Variants in MPRIP observed in about 807,000 individuals in gnomAD.
MPRIP encodes the protein myosin phosphatase Rho interacting protein.
Under a neutral mutation model 234.9 loss-of-function variants are expected in MPRIP, and 59 were observed. The observed-to-expected ratio is 0.25, with a 90% CI of 0.20 to 0.31. MPRIP has a LOEUF of 0.31. Ranked by LOEUF, MPRIP falls within the 10% of genes least tolerant of loss-of-function variation. MPRIP has a pLI of 1.00. For missense variants in MPRIP, 2,436 were observed against 3,071.0 expected, an observed-to-expected ratio of 0.79 and a Z score of 4.89; for synonymous variants, 1,144 against 1,263.9, an observed-to-expected ratio of 0.91 and a Z score of 2.01.
intron 12 of MPRIP, 101 bp from the exon 13 acceptor site, chr17:17,154,205 C>T (rs2045674694): frequency 4.1e-6 from 4 of 967,558 alleles, no homozygotes; most frequent in African/African-American, 1.6e-5. Context: ...CAGCCTTTCT[C>T]CCTGTGGGAC....
intron 1 of MPRIP, among the ~76,000 whole-genome samples, chr17:17,049,584 C>G (rs112635565): frequency 6.8e-4 from 103 of 152,306 alleles, no homozygotes; most frequent in African/African-American, 2.3e-3. Context: ...CCACTCTTTC[C>G]CACCTGAATG....
intron 3 of MPRIP, among the ~76,000 whole-genome samples, chr17:17,109,258 C>T (rs2144269167): frequency 6.6e-6 from 1 of 152,358 alleles, no homozygotes; most frequent in African/African-American, 2.4e-5. Context: ...GACTTCCAGA[C>T]AGTGGTGTAA....
chr17:17,108,619 G>A (rs1340685526), intron 3 of MPRIP, among the ~76,000 whole-genome samples: 1 of 150,652 alleles, frequency 6.6e-6, no homozygotes, highest in Non-Finnish European at 1.5e-5. Flanking sequence ...AAGCCAGCTG[G>A]CCTTTGTCTC....
At chr17:17,134,578 G>C (rs140257007) in intron 5 of MPRIP, among the ~76,000 whole-genome samples, 4 of 152,222 alleles carry the variant, frequency 2.6e-5, no homozygotes, top group Admixed American at 6.5e-5. Flanking sequence ...TCAGGTGTGC[G>C]TCCTGGGTCT....
Position 17,143,685 on chromosome 17 carries a change from G to T in MPRIP, c.1503+16G>T. On this transcript the variant is annotated intron_variant, in intron 9 of 23. Coordinates refer to ENST00000651222, the MANE Select transcript of MPRIP (RefSeq NM_001364716.4). Reference sequence around the variant, plus strand: ...CTCCGTGACGGTGAGCCCAGGCGCCGCGTCCTCCGGAGGCCGTGCTCCTCT... The same window carrying T: ...CTCCGTGACGGTGAGCCCAGGCGCCTCGTCCTCCGGAGGCCGTGCTCCTCT... 1 of 1,544,916 alleles carries T rather than the reference G, an allele frequency of 6.5e-7. No individual in the cohort carries two copies.
chr17:17,073,918 G>C (rs572007360), intron 1 of MPRIP, among the ~76,000 whole-genome samples: 4 of 152,314 alleles, frequency 2.6e-5, no homozygotes, highest in Admixed American at 2.6e-4. Context: ...AGCCTCTCCT[G>C]TCCTTGCAGC....
chr17:17,088,435 CTAAT>C (rs1413180754), intron 3 of MPRIP, among the ~76,000 whole-genome samples: 4 of 152,166 alleles, frequency 2.6e-5, no homozygotes, highest in African/African-American at 7.2e-5. Context: ...GGTTAGGAAA[CTAAT>C]TAAGTAAGAG....
intron 13 of MPRIP, among the ~76,000 whole-genome samples, chr17:17,158,202 T>G: frequency 1.3e-5 from 2 of 152,080 alleles, no homozygotes. Flanking sequence ...TCCTTTCCCC[T>G]TCCCCTCCCC....
chr17:17,107,635 C>T (rs2090088749), intron 3 of MPRIP, among the ~76,000 whole-genome samples: 1 of 152,342 alleles, frequency 6.6e-6, no homozygotes, highest in East Asian at 1.9e-4. Context: ...CAGGCCCAGG[C>T]TGGTCCTGCA....
chr17:17,177,430 G>C lies in MPRIP; in HGVS notation c.7120+18G>C. ...CGGATATGGTGCGTCCTCGGGTCATGCCCTCTCGGTTATTGCTGGGGGGCT... is the reference window on the plus strand; with the variant it reads ...CGGATATGGTGCGTCCTCGGGTCATCCCCTCTCGGTTATTGCTGGGGGGCT... On this transcript the variant is annotated intron_variant, in intron 22 of 23. Coordinates refer to ENST00000651222, the MANE Select transcript of MPRIP (RefSeq NM_001364716.4). The C allele has an allele frequency of 6.2e-7, 1 of 1,608,734 alleles. No homozygotes were observed. The highest frequency in any genetic ancestry group is 8.5e-7 in the Non-Finnish European group (1 of 1,176,362).
At chr17:17,052,518 C>T (rs1019416033) in intron 1 of MPRIP, among the ~76,000 whole-genome samples, 7 of 152,152 alleles carry the variant, frequency 4.6e-5, no homozygotes, top group African/African-American at 1.7e-4. Context: ...GTTCAGCGAC[C>T]TGCCTAGGTC....
At chr17:17,149,907 T>G in intron 11 of MPRIP, 2 of 372,824 alleles carry the variant, frequency 5.4e-6, no homozygotes, top group Non-Finnish European at 9.8e-6. Context: ...AACAGCAGCA[T>G]GTTTGAGGAC....
rs1409248291 is a variant in MPRIP at position 17,190,988 on chromosome 17, C to T, written c.*6094C>T. The T allele has an allele frequency of 6.6e-6, 1 of 152,124 alleles. No individual in the cohort carries two copies. The highest frequency in any genetic ancestry group is 6.5e-5 in the Admixed American group (1 of 15,280). 9.4% of individuals were successfully genotyped at this position (152,124 alleles called of 1,614,324 possible). On this transcript the variant is annotated 3_prime_UTR_variant, in exon 24 of 24. Coordinates refer to ENST00000651222, the MANE Select transcript of MPRIP (RefSeq NM_001364716.4). The stretch of plus-strand genomic sequence containing the variant: ...GTTTTTAAAAAAATCTTAGACACCC[C>T]TTTTTAAGATGGGGAGAACAGGGTT...
chr17:17,164,585 C>A lies in MPRIP; in HGVS notation c.2994C>A (p.Ala998=). The change falls in exon 16 of 24, where the codon GCC becomes GCA. Residue 998 remains alanine, a synonymous_variant. Coordinates refer to ENST00000651222, the MANE Select transcript of MPRIP (RefSeq NM_001364716.4). Reference sequence around the variant, plus strand: ...TCCAGAGGCTGCAGGAGCGCATTGCCGACCTCAGCCAGCAACTGGGCGCCA... The same window carrying A: ...TCCAGAGGCTGCAGGAGCGCATTGCAGACCTCAGCCAGCAACTGGGCGCCA... The part of the protein sequence containing the change: ...KEVQRLQERI[A]DLSQQLGASE... 1 of 1,211,462 alleles carries A rather than the reference C, an allele frequency of 8.3e-7. No individual in the cohort carries two copies. The highest frequency in any genetic ancestry group is 1.1e-6 in the Non-Finnish European group (1 of 946,950). The allele number at this position is 1,211,462 out of a possible 1,614,324, so 75.0% of individuals were successfully genotyped here.
chr17:17,059,657 T>C (rs1295553729), intron 1 of MPRIP, among the ~76,000 whole-genome samples: 1 of 152,248 alleles, frequency 6.6e-6, no homozygotes, highest in Non-Finnish European at 1.5e-5. Flanking sequence ...CCTTTCCCTT[T>C]GCACCACCTT....
Position 17,174,000 on chromosome 17 carries a change from C to T in MPRIP, c.6675C>T (p.Ala2225=). The change falls in exon 19 of 24, where the codon GCC becomes GCT. Residue 2225 remains alanine (A), a synonymous_variant. Transcript: ENST00000651222. ...SQKCLENAHL[A]QALEAERQAL... ...AGTGCCTGGAGAATGCCCATCTGGC[C>T]CAGGCGCTGGAGGCCGAGCGGCAGG... The T allele has an allele frequency of 8.1e-6, 13 of 1,613,732 alleles. No homozygotes were observed. The highest frequency in any genetic ancestry group is 1.1e-5 in the Non-Finnish European group (13 of 1,180,042).
rs1312121787 is a variant in MPRIP, at chr17:17,164,962, C to T, written c.3371C>T (p.Ser1124Phe). 1 of 1,303,422 alleles carries T rather than the reference C, an allele frequency of 7.7e-7. No homozygotes were observed. The highest frequency in any genetic ancestry group is 5.6e-5 in the East Asian group (1 of 18,014). The allele number at this position is 1,303,422 out of a possible 1,614,324, so 80.7% of individuals were successfully genotyped here. A position where few individuals can be genotyped will look rare whatever the true frequency, so the allele number is the denominator to read the frequency against. ...FQELTERVATSDEDVAELREK... is the reference protein window; with the variant it reads ...FQELTERVATFDEDVAELREK... ...GAGCTGACAGAGCGCGTGGCCACGT[C>T]CGACGAGGATGTGGCTGAGCTCCGG... Residue 1124 changes from serine (S) to phenylalanine (F), a missense_variant, in exon 16 of 24, where the codon TCC becomes TTC. By Grantham distance (155) the Ser-to-Phe change is radical. Coordinates refer to ENST00000651222, the MANE Select transcript of MPRIP (RefSeq NM_001364716.4).
In MPRIP at chr17:17,166,950, A is replaced by G; in HGVS notation, c.5359A>G (p.Lys1787Glu). The G allele has an allele frequency of 3.1e-6, 4 of 1,304,218 alleles. No individual in the cohort carries two copies. Among genetic ancestry groups the G allele is most frequent in the South Asian group, 1.2e-5 (1 of 81,028 alleles). 80.8% of individuals were successfully genotyped at this position (1,304,218 alleles called of 1,614,324 possible). The part of the protein sequence containing the change: ...AIQEELAQQL[K>E]EKASLLEEIA... ...TCAGGAGGAGCTTGCCCAGCAGCTG[A>G]AGGAGAAGGCCAGCCTCTTAGAGGA... The change falls in exon 16 of 24, where the codon AAG becomes GAG. Residue 1787 changes from lysine to glutamate, a missense_variant. By Grantham distance (56) the Lys-to-Glu change is moderately conservative. Around this residue, in one of 4 missense-constraint regions of MPRIP, gnomAD observed 1,998 missense variants for 2,520.3 expected, o/e 0.79. Transcript: ENST00000651222. This position sits in a 1 kb window ranked among gnomAD's most constrained non-coding sequence, Gnocchi z 4.4.
intron 3 of MPRIP, among the ~76,000 whole-genome samples, chr17:17,085,981 C>G (rs2089582081): frequency 6.6e-6 from 1 of 152,240 alleles, no homozygotes; most frequent in Admixed American, 6.5e-5. Flanking sequence ...TCCAGGTGCC[C>G]AGAGGCCCAG....
Sources: allele counts gnomAD v4.1 joint callset (sites outside exome capture counted in the v4.1 genomes callset), GRCh38; gene constraint gnomAD v4.1.1; regional missense constraint gnomAD v4.1.1; non-coding constraint Gnocchi (gnomAD v3.1); transcripts MANE v1.5; gene names NCBI Gene and HGNC (gene_info 2026-07-23, HGNC 2026-07-21).